Variants in TRAPPC9 observed in about 807,000 individuals in gnomAD.
TRAPPC9 encodes the protein trafficking protein particle complex subunit 9, also known as IKK2 binding protein.
Under a neutral mutation model 124.0 loss-of-function variants are expected in TRAPPC9, and 83 were observed. The observed-to-expected ratio is 0.67, with a 90% CI of 0.56 to 0.80. The LOEUF (loss-of-function observed/expected upper bound fraction) is 0.80. Among genes scored for constraint, TRAPPC9 ranks in the 30% least tolerant of loss-of-function variants. The pLI is 0.00. For synonymous variants in TRAPPC9, 638 were observed against 617.5 expected, an observed-to-expected ratio of 1.03 and a Z score of -0.49; for missense variants, 1,302 against 1,508.3, an observed-to-expected ratio of 0.86 and a Z score of 2.27.
Position 140,371,046 on chromosome 8 carries a change from A to G in TRAPPC9, c.1269T>C (p.Pro423=). The change falls in exon 8 of 23, where the codon CCT becomes CCC. Residue 423 remains proline (P), a synonymous_variant. Coordinates refer to ENST00000438773, the MANE Select transcript of TRAPPC9 (RefSeq NM_001160372.4). Reference sequence around the variant, plus strand: ...GGAGTTTGTAGCAGGCCCTCCACCCAGGCTCCGCGATGCTTGGGGCCACGC... The same window carrying G: ...GGAGTTTGTAGCAGGCCCTCCACCCGGGCTCCGCGATGCTTGGGGCCACGC... ...MQCVAPSIAE[P]GWRACYKLLL... The G allele has an allele frequency of 1.2e-6, 2 of 1,614,242 alleles. No homozygotes were observed. The highest frequency in any genetic ancestry group is 1.7e-6 in the Non-Finnish European group (2 of 1,180,036).
chr8:139,829,893 C>T (rs1000378745), intron 21 of TRAPPC9, among the ~76,000 whole-genome samples: 5 of 152,300 alleles, frequency 3.3e-5, no homozygotes, highest in East Asian at 1.9e-4. Context: ...TGAGTGACAG[C>T]GCTGGGGCTG....
intron 13 of TRAPPC9, among the ~76,000 whole-genome samples, chr8:140,286,374 T>C (rs1271046789): frequency 6.6e-6 from 1 of 152,056 alleles, no homozygotes; most frequent in African/African-American, 2.4e-5. Flanking sequence ...AGTTGAGAGA[T>C]GTCAGGGGCA....
intron 21 of TRAPPC9, among the ~76,000 whole-genome samples, chr8:139,743,982 A>G (rs73726757): frequency 0.031 from 4,708 of 152,254 alleles, 261 homozygotes; most frequent in African/African-American, 0.11. Context: ...GCCTTCAGTG[A>G]CCGTACACTC....
intron 17 of TRAPPC9, among the ~76,000 whole-genome samples, chr8:140,092,718 A>C (rs1037094698): frequency 6.6e-6 from 1 of 152,330 alleles, no homozygotes; most frequent in Admixed American, 6.5e-5. Flanking sequence ...GATGGAGAGA[A>C]AACATCTCAC....
chr8:140,212,946 G>A (rs2063096422), intron 17 of TRAPPC9, among the ~76,000 whole-genome samples: 1 of 151,900 alleles, frequency 6.6e-6, no homozygotes. Flanking sequence ...GCGCACACCT[G>A]TAGTCCCAGC....
chr8:139,848,022 C>T (rs1410896554), intron 21 of TRAPPC9, among the ~76,000 whole-genome samples: 1 of 152,266 alleles, frequency 6.6e-6, no homozygotes, highest in Non-Finnish European at 1.5e-5. Context: ...CCCCTAGCCC[C>T]TCACGCAGGG....
chr8:139,840,648 G>A (rs1470740035), intron 21 of TRAPPC9, among the ~76,000 whole-genome samples: 1 of 152,200 alleles, frequency 6.6e-6, no homozygotes, highest in Admixed American at 6.5e-5. Flanking sequence ...AGTCGGGCCA[G>A]GAGGGTGGCG....
intron 9 of TRAPPC9, among the ~76,000 whole-genome samples, chr8:140,358,672 G>A (rs1232604616): frequency 2.0e-5 from 3 of 152,212 alleles, no homozygotes; most frequent in East Asian, 1.9e-4. Context: ...AGAGAAGCAC[G>A]AAATTTGGGA....
chr8:139,958,937 ACTGCATTCCGAGTCACACGGGGGAGCC>A (rs1835184045), intron 19 of TRAPPC9, among the ~76,000 whole-genome samples: 1,361 of 91,776 alleles, frequency 0.015, 23 homozygotes, highest in African/African-American at 0.032. Context: ...ACGGGGGAGC[ACTGCATTCCGAGTCACACGGGGGAGCC>A]CTGCATTCCG....
intron 16 of TRAPPC9, among the ~76,000 whole-genome samples, chr8:140,239,627 G>T (rs1173424894): frequency 1.3e-5 from 2 of 152,214 alleles, no homozygotes; most frequent in Admixed American, 1.3e-4. Context: ...TGCGTGGGAG[G>T]CGCCTGGACA....
intron 21 of TRAPPC9, among the ~76,000 whole-genome samples, chr8:139,804,283 C>T (rs1206957866): frequency 1.4e-5 from 2 of 138,658 alleles, no homozygotes; most frequent in African/African-American, 5.4e-5. Flanking sequence ...ACCACCACCA[C>T]CCACCACCGC....
rs1048049720 is a variant in TRAPPC9, at chr8:140,149,737, G to A, written c.2556+71722C>T. On this transcript the variant is annotated intron_variant, in intron 17 of 22. Coordinates refer to ENST00000438773, the MANE Select transcript of TRAPPC9 (RefSeq NM_001160372.4). ...GGGCTGCTGTCTGACTCGAATGTAC[G>A]TGAGTCATCATCCACGGTTCCAGGC... Among the ~76,000 whole-genome samples, 4 of 152,042 alleles carry A rather than the reference G, an allele frequency of 2.6e-5. No homozygotes were observed. The East Asian group carries it at 5.8e-4, about 22-fold the overall frequency.
intron 17 of TRAPPC9, among the ~76,000 whole-genome samples, chr8:140,155,933 C>T (rs576019676): frequency 3.9e-5 from 6 of 152,274 alleles, no homozygotes; most frequent in South Asian, 2.1e-4. Context: ...GGAGGCATAA[C>T]AGTCAATACA....
chr8:139,757,039 G>A (rs1229649990), intron 21 of TRAPPC9, among the ~76,000 whole-genome samples: 2 of 129,834 alleles, frequency 1.5e-5, no homozygotes, highest in Non-Finnish European at 3.3e-5. Context: ...ACAGCAGGTC[G>A]CAGGAGGAGC....
At chr8:140,164,994 G>A (rs950778714) in intron 17 of TRAPPC9, among the ~76,000 whole-genome samples, 1 of 152,200 alleles carries the variant, frequency 6.6e-6, no homozygotes, top group Non-Finnish European at 1.5e-5. Context: ...ATAAGGTAAT[G>A]CCTTATGTGT....
intron 3 of TRAPPC9, among the ~76,000 whole-genome samples, chr8:140,437,817 T>C (rs1177838433): frequency 6.6e-6 from 1 of 151,756 alleles, no homozygotes; most frequent in Non-Finnish European, 1.5e-5. Flanking sequence ...AGCCAGTCCA[T>C]CCTCCCAGGA....
intron 17 of TRAPPC9, among the ~76,000 whole-genome samples, chr8:140,153,471 C>G (rs1381013215): frequency 1.3e-5 from 2 of 152,112 alleles, no homozygotes; most frequent in Non-Finnish European, 2.9e-5. Flanking sequence ...ATGCTATCAA[C>G]ACTCTGTGCA....
At chr8:139,757,025 G>A (rs1586778039) in intron 21 of TRAPPC9, among the ~76,000 whole-genome samples, 1 of 131,474 alleles carries the variant, frequency 7.6e-6, no homozygotes, top group Non-Finnish European at 1.6e-5. Flanking sequence ...GTTTGGGGAT[G>A]AGGACAGCAG....
At chr8:140,294,768 C>T (rs888330918) in intron 11 of TRAPPC9, among the ~76,000 whole-genome samples, 8 of 141,140 alleles carry the variant, frequency 5.7e-5, no homozygotes, top group African/African-American at 1.6e-4. Flanking sequence ...CCACCATGCC[C>T]GGCTAAATTT....
Sources: gnomAD v4.1 joint callset for allele counts (sites outside exome capture counted in the v4.1 genomes callset) on GRCh38, gnomAD v4.1.1 for gene constraint, MANE v1.5 for transcripts, NCBI Gene and HGNC (gene_info 2026-07-23, HGNC 2026-07-21) for gene names.